USP50: variants seen among roughly 807,000 people sequenced by gnomAD.
USP50 encodes ubiquitin carboxyl-terminal hydrolase 50.
Under a neutral mutation model 39.2 loss-of-function variants are expected in USP50, and 37 were observed. The observed-to-expected ratio is 0.94, with a 90% confidence interval of 0.73 to 1.24. USP50 has a LOEUF of 1.24. Ranked by LOEUF, USP50 falls within the 50% of genes most tolerant of loss-of-function variation. The pLI, the probability that USP50 is intolerant of heterozygous loss-of-function variation, is 0.00. For missense variants in USP50, 374 were observed against 398.2 expected (o/e 0.94, Z 0.52); for synonymous variants, 139 against 144.5 (o/e 0.96, Z 0.27).
rs961945763 is a variant in USP50 at position 50,508,669 on chromosome 15, A to T, written c.937-7832T>A. 2.2e-4 allele frequency: 33 copies of T among 152,296 alleles called. 1 individual carries two copies. The highest frequency in any genetic ancestry group is 1.8e-3 in the Admixed American group (27 of 15,298). 9.4% of individuals were successfully genotyped at this position (152,296 alleles called of 1,614,324 possible). On this transcript the variant is annotated intron_variant, in intron 6 of 6. Transcript: ENST00000532404. ...AACAAAGATGTAATACAGAAGATTT[A>T]AAAAAAGGTAAAAGTTGGTGTTTTA...
intron 6 of USP50, among the ~76,000 whole-genome samples, chr15:50,518,545 T>G (rs985642383): frequency 6.6e-6 from 1 of 151,718 alleles, no homozygotes; most frequent in African/African-American, 2.4e-5. Context: ...GCCAAGAACA[T>G]ACCATGGGGA....
chr15:50,496,050 T>C, downstream of USP50: 2 of 1,613,590 alleles, frequency 1.2e-6, no homozygotes, highest in Non-Finnish European at 1.7e-6. Flanking sequence ...TATTTGTCTC[T>C]ACCACTAGCA....
chr15:50,493,401 A>T (rs546827517), downstream of USP50: 9 of 519,250 alleles, frequency 1.7e-5, no homozygotes, highest in African/African-American at 7.7e-5. Context: ...AAACCATAGT[A>T]CTTACCACTC....
rs112085360 is a variant in USP50 at position 50,537,218 on chromosome 15, G to A, written c.803+1491C>T. On this transcript the variant is annotated intron_variant, in intron 5 of 6. Transcript: ENST00000532404. ...GACCTTTTTCAACAAATGGTGCTAG[G>A]ACAACTGGATATCCACGCGAAAAAA... 3.1e-3 allele frequency among the ~76,000 whole-genome samples: 460 copies of A among 150,516 alleles called. 1 individual carries two copies. The highest frequency in any genetic ancestry group is 0.011 in the African/African-American group (436 of 41,124).
At chr15:50,517,470 C>G (rs562992278) in intron 6 of USP50, among the ~76,000 whole-genome samples, 7 of 116,748 alleles carry the variant, frequency 6.0e-5, no homozygotes, top group Admixed American at 4.8e-4. Context: ...AAAACTCCAT[C>G]TCAAAAAAAA....
At chr15:50,495,762 G>GTTTGTATT, downstream of USP50, 1 of 1,073,306 alleles carries the variant, frequency 9.3e-7, no homozygotes, top group Admixed American at 2.6e-5. Context: ...TCTAAATCTG[G>GTTTGTATT]CAAGTGTTTG....
downstream of USP50, chr15:50,497,745 CT>C (rs2052473393): frequency 6.6e-6 from 1 of 152,120 alleles, no homozygotes; most frequent in East Asian, 1.9e-4. Flanking sequence ...CGAACCAGAT[CT>C]TTTGCTGATT....
At chr15:50,516,989 T>A (rs993159033) in intron 6 of USP50, among the ~76,000 whole-genome samples, 4 of 152,132 alleles carry the variant, frequency 2.6e-5, no homozygotes, top group African/African-American at 9.7e-5. Context: ...AATACCCCAC[T>A]TGCAACAATG....
chr15:50,516,707 T>C (rs2052806544), intron 6 of USP50, among the ~76,000 whole-genome samples: 1 of 151,248 alleles, frequency 6.6e-6, no homozygotes, highest in Non-Finnish European at 1.5e-5. Context: ...TGGAAAGAGA[T>C]ATTCCAGGTA....
intron 5 of USP50, chr15:50,532,145 G>A (rs763670211): frequency 2.2e-6 from 1 of 456,130 alleles, no homozygotes; most frequent in Non-Finnish European, 4.4e-6. Flanking sequence ...CCAGTCACAG[G>A]GGGACCACAC....
downstream of USP50, chr15:50,498,326 G>C: frequency 3.4e-6 from 1 of 298,290 alleles, no homozygotes. Context: ...TCATGTAGCA[G>C]TTGTAGCTGG....
chr15:50,537,908 G>A (rs1186979678), intron 5 of USP50, among the ~76,000 whole-genome samples: 1 of 45,676 alleles, frequency 2.2e-5, no homozygotes, highest in East Asian at 8.3e-4. Context: ...GGGAAGGGGA[G>A]GGAAGGGAAG....
At chr15:50,494,853 A>G (rs2052313333) in intron 1 of USP50, among the ~76,000 whole-genome samples, 1 of 152,106 alleles carries the variant, frequency 6.6e-6, no homozygotes, top group African/African-American at 2.4e-5. Flanking sequence ...CGTCTCTACT[A>G]AAAATACAAA....
At chr15:50,508,478 A>C (rs1596005524) in intron 6 of USP50, 1 of 152,322 alleles carries the variant, frequency 6.6e-6, no homozygotes, top group Non-Finnish European at 1.5e-5. Context: ...AAGGCAGAGA[A>C]AGTGGGAGAT....
At chr15:50,537,453 C>T (rs1051094557) in intron 5 of USP50, among the ~76,000 whole-genome samples, 2 of 151,778 alleles carry the variant, frequency 1.3e-5, no homozygotes, top group Admixed American at 6.6e-5. Context: ...AAGCTGGACT[C>T]CATTACAGTC....
chr15:50,518,306 C>T (rs769627349), intron 6 of USP50, among the ~76,000 whole-genome samples: 8 of 151,788 alleles, frequency 5.3e-5, no homozygotes, highest in East Asian at 1.9e-4. Context: ...CTGCAAGTTC[C>T]GTCTCCTGGG....
intron 6 of USP50, chr15:50,501,447 C>G (rs2052586383): frequency 6.6e-6 from 1 of 151,542 alleles, no homozygotes; most frequent in South Asian, 2.1e-4. Flanking sequence ...GCACTCCAGC[C>G]TGGGTGACAG....
At chr15:50,498,499 G>GCTAAATGT, downstream of USP50, 18 of 1,403,846 alleles carry the variant, frequency 1.3e-5, no homozygotes, top group Non-Finnish European at 1.4e-5. Context: ...ATTTGAAATG[G>GCTAAATGT]ATTTTACAGT....
chr15:50,504,069 ATG>A (rs1175672999), intron 6 of USP50: 1 of 152,206 alleles, frequency 6.6e-6, no homozygotes, highest in African/African-American at 2.4e-5. Context: ...GAATCAACTA[ATG>A]TGATGGGAAA....
Sources: allele counts gnomAD v4.1 joint callset (sites outside exome capture counted in the v4.1 genomes callset), GRCh38; gene constraint gnomAD v4.1.1; transcripts MANE v1.5; gene names NCBI Gene and HGNC (gene_info 2026-07-23, HGNC 2026-07-21).